Variants in RASGEF1A observed in about 807,000 individuals in gnomAD.
The protein encoded by RASGEF1A is RasGEF domain family member 1A.
RASGEF1A carries 18 observed loss-of-function variants against 56.4 expected under a neutral mutation model. The observed-to-expected ratio is 0.32, with a 90% CI of 0.22 to 0.47. The LOEUF (loss-of-function observed/expected upper bound fraction) is 0.47, where lower values mean the gene tolerates loss of function less well. Ranked by LOEUF, RASGEF1A falls within the 20% of genes least tolerant of loss-of-function variation. The probability of loss-of-function intolerance (pLI) is 1.00; values close to 1 mark genes in which losing one functional copy is unlikely to be tolerated. For missense variants in RASGEF1A, 422 were observed against 627.1 expected (o/e 0.67, Z 3.49); for synonymous variants, 245 against 242.6 (o/e 1.01, Z -0.09).
In RASGEF1A at chr10:43,200,801, G is replaced by C. The variant is rs1839884163; in HGVS notation, c.547C>G (p.Arg183Gly). The part of the protein sequence containing the change: ...LAARSQLQEL[R>G]EKLRPPAVDK... Reference sequence around the variant, plus strand: ...ACAGCCGGTGGCCGGAGCTTCTCTCGCAGTTCCTGGAGCTGGCTCCGGGCA... The same window carrying C: ...ACAGCCGGTGGCCGGAGCTTCTCTCCCAGTTCCTGGAGCTGGCTCCGGGCA... Residue 183 changes from arginine to glycine, a missense_variant, in exon 5 of 13, where the codon CGA becomes GGA. By Grantham distance (125) the Arg-to-Gly change is moderately radical. Around this residue, in one of 2 missense-constraint regions of RASGEF1A, gnomAD observed 273 missense variants for 339.9 expected, o/e 0.80. Transcript: ENST00000395810. The C allele has an allele frequency of 1.2e-6, 2 of 1,613,880 alleles. No homozygotes were observed. The highest frequency in any genetic ancestry group is 1.7e-6 in the Non-Finnish European group (2 of 1,180,032).
rs191280092 is a variant in RASGEF1A, at chr10:43,211,431, G to A, written c.-6-5309C>T. Among the ~76,000 whole-genome samples, 1,096 of 152,296 alleles carry A rather than the reference G, an allele frequency of 7.2e-3. 17 individuals are homozygous for A. Among genetic ancestry groups the A allele is most frequent in the African/African-American group, 0.025 (1,047 of 41,550 alleles). ...CCTGGAGTGGAGGCTGCCTGGGAGA[G>A]GCTGAACCTAGAGGCCCCTTGCCAC... On this transcript the variant is annotated intron_variant, in intron 1 of 12. Coordinates refer to ENST00000395810, the MANE Select transcript of RASGEF1A (RefSeq NM_145313.4).
chr10:43,257,287 G>A (rs1019463793), intron 1 of RASGEF1A, among the ~76,000 whole-genome samples: 1 of 152,192 alleles, frequency 6.6e-6, no homozygotes, highest in Admixed American at 6.5e-5. Context: ...TCCAAGCCTC[G>A]CTGACACACT....
Position 43,203,418 on chromosome 10 carries a change from C to T in RASGEF1A, c.201G>A (p.Arg67=). The change falls in exon 3 of 13, where the codon AGG becomes AGA. Residue 67 remains arginine (R), a splice_region_variant and synonymous_variant. Transcript: ENST00000395810. ...LVPTVDYYPD[R]TYIFTFLLSS... The stretch of plus-strand genomic sequence containing the variant: ...TCAGGAGAAAGGTGAAGATGTACGT[C>T]CTCTGAAGGCAGGAGACGGAGAGAG... 1 of 1,554,774 alleles carries T rather than the reference C, an allele frequency of 6.4e-7. No homozygotes were observed. The highest frequency in any genetic ancestry group is 8.7e-7 in the Non-Finnish European group (1 of 1,146,920).
intron 1 of RASGEF1A, among the ~76,000 whole-genome samples, chr10:43,257,486 G>T (rs1026603649): frequency 1.3e-5 from 2 of 152,186 alleles, no homozygotes; most frequent in Non-Finnish European, 2.9e-5. Context: ...GCCGCCTGGG[G>T]GCCTCTCCTC....
intron 1 of RASGEF1A, among the ~76,000 whole-genome samples, chr10:43,221,767 T>C (rs1002971349): frequency 4.6e-5 from 7 of 152,204 alleles, no homozygotes; most frequent in African/African-American, 1.7e-4. Context: ...TCACCACCAA[T>C]GAGTGGCGTA....
intron 1 of RASGEF1A, chr10:43,229,537 C>A: frequency 9.4e-7 from 1 of 1,067,994 alleles, no homozygotes; most frequent in South Asian, 1.5e-5. Context: ...GGCACCCTCC[C>A]GCACGGGTCG....
chr10:43,206,230 G>A, intron 1 of RASGEF1A, 108 bp from the exon 2 acceptor site: 1 of 938,500 alleles, frequency 1.1e-6, no homozygotes. Flanking sequence ...GGGGTGCGTG[G>A]CAGGGGCGCA....
intron 1 of RASGEF1A, among the ~76,000 whole-genome samples, chr10:43,259,731 G>A (rs530700445): frequency 4.7e-4 from 72 of 152,312 alleles, no homozygotes; most frequent in South Asian, 1.9e-3. Flanking sequence ...ACCGCTGCAC[G>A]TTCAGGGGCT....
At chr10:43,225,148 CTGTG>C (rs895303663) in intron 1 of RASGEF1A, among the ~76,000 whole-genome samples, 15 of 138,336 alleles carry the variant, frequency 1.1e-4, no homozygotes, top group African/African-American at 1.9e-4. Flanking sequence ...CTGTATGTGT[CTGTG>C]TGTGTGTCTT....
chr10:43,266,469 A>T (rs1049546176), intron 1 of RASGEF1A, among the ~76,000 whole-genome samples: 1 of 149,346 alleles, frequency 6.7e-6, no homozygotes, highest in African/African-American at 2.5e-5. Flanking sequence ...CCCAGCCCCC[A>T]CCCCCACGCC....
intron 4 of RASGEF1A, 139 bp from the exon 5 acceptor site, chr10:43,201,027 G>T: frequency 1.4e-6 from 1 of 722,788 alleles, no homozygotes; most frequent in Non-Finnish European, 2.3e-6. Flanking sequence ...GCAGCCTTCA[G>T]GCCTTCAAGG....
intron 1 of RASGEF1A, among the ~76,000 whole-genome samples, chr10:43,258,554 T>C (rs1836467109): frequency 6.6e-6 from 1 of 152,216 alleles, no homozygotes; most frequent in Non-Finnish European, 1.5e-5. Flanking sequence ...AGCAGGCGGC[T>C]GGCCCCTTGG....
chr10:43,230,298 G>A (rs1219441159), intron 1 of RASGEF1A, among the ~76,000 whole-genome samples: 1 of 152,198 alleles, frequency 6.6e-6, no homozygotes, highest in Admixed American at 6.5e-5. Flanking sequence ...GAACTCGGGG[G>A]ACACGGCAGC....
intron 1 of RASGEF1A, among the ~76,000 whole-genome samples, chr10:43,235,779 A>G (rs2133214146): frequency 6.6e-6 from 1 of 152,308 alleles, no homozygotes; most frequent in African/African-American, 2.4e-5. Context: ...GGGGGGACAC[A>G]AGGCATGGGA....
intron 7 of RASGEF1A, 70 bp downstream of exon 7, chr10:43,199,606 G>C: frequency 1.6e-6 from 2 of 1,261,336 alleles, no homozygotes; most frequent in Non-Finnish European, 1.2e-6. Context: ...TCTAATTCCT[G>C]GGGCAAGATC....
intron 1 of RASGEF1A, among the ~76,000 whole-genome samples, chr10:43,223,191 T>C (rs73256082): frequency 1.3e-4 from 20 of 152,274 alleles, no homozygotes; most frequent in African/African-American, 4.8e-4. Context: ...TGAAAAACTG[T>C]GTCTAGAAAC....
At chr10:43,254,347 C>T (rs1840663913) in intron 1 of RASGEF1A, among the ~76,000 whole-genome samples, 1 of 152,210 alleles carries the variant, frequency 6.6e-6, no homozygotes, top group Non-Finnish European at 1.5e-5. Flanking sequence ...ACTTGTTGCC[C>T]CCTTAGATCT....
chr10:43,265,907 G>A (rs1488668568), intron 1 of RASGEF1A, among the ~76,000 whole-genome samples: 1 of 152,268 alleles, frequency 6.6e-6, no homozygotes, highest in Non-Finnish European at 1.5e-5. Context: ...TCAGGATCCT[G>A]CGGCCGACGG....
intron 1 of RASGEF1A, among the ~76,000 whole-genome samples, chr10:43,247,031 G>C (rs1840573588): frequency 6.6e-6 from 1 of 152,174 alleles, no homozygotes; most frequent in African/African-American, 2.4e-5. Flanking sequence ...ATGTTATAGG[G>C]TCTAGTATCC....
Sources: gnomAD v4.1 joint callset for allele counts (sites outside exome capture counted in the v4.1 genomes callset) on GRCh38, gnomAD v4.1.1 for gene constraint, gnomAD v4.1.1 regional missense constraint, MANE v1.5 for transcripts, NCBI Gene and HGNC (gene_info 2026-07-23, HGNC 2026-07-21) for gene names.